The following SCNN1B variants were observed in gnomAD, a reference collection of about 807,000 sequenced individuals.
The protein encoded by SCNN1B is sodium channel epithelial 1 subunit beta, also known as epithelial sodium channel subunit beta.
Under a neutral mutation model 65.3 loss-of-function variants are expected in SCNN1B, and 46 were observed. The ratio of observed to expected loss-of-function variants is 0.70; its 90% CI spans 0.56 to 0.90. The LOEUF (loss-of-function observed/expected upper bound fraction) is 0.90. SCNN1B is among the 40% of genes least tolerant of loss of function. The probability of loss-of-function intolerance (pLI) is 0.00; values close to 1 mark genes in which losing one functional copy is unlikely to be tolerated. For synonymous variants in SCNN1B, 349 were observed against 330.6 expected, an observed-to-expected ratio of 1.06 and a Z score of -0.60; for missense variants, 751 against 830.5, an observed-to-expected ratio of 0.90 and a Z score of 1.18.
At chr16:23,369,668 G>A (rs1962743708) in intron 5 of SCNN1B, among the ~76,000 whole-genome samples, 2 of 152,032 alleles carry the variant, frequency 1.3e-5, no homozygotes, top group Non-Finnish European at 2.9e-5. Context: ...GGCCAAGAGG[G>A]CAGGTGAGCT....
intron 1 of SCNN1B, among the ~76,000 whole-genome samples, chr16:23,281,549 C>G (rs1286887308): frequency 1.3e-5 from 2 of 152,150 alleles, no homozygotes; most frequent in Non-Finnish European, 2.9e-5. Context: ...CCCTGGCTGT[C>G]CCTGGTGGGG....
At chr16:23,344,559 T>G (rs962143114) in intron 1 of SCNN1B, among the ~76,000 whole-genome samples, 7 of 152,258 alleles carry the variant, frequency 4.6e-5, no homozygotes, top group African/African-American at 9.6e-5. Context: ...GTAGTTGCTA[T>G]TATAATAACT....
chr16:23,317,856 T>A (rs1961505352), intron 1 of SCNN1B, among the ~76,000 whole-genome samples: 1 of 152,178 alleles, frequency 6.6e-6, no homozygotes, highest in African/African-American at 2.4e-5. Context: ...ACTCCAGGGA[T>A]GTCATTGTCA....
Position 23,348,140 on chromosome 16 carries a change from A to G in SCNN1B, c.-8-452A>G, listed in dbSNP as rs966472456. Among the ~76,000 whole-genome samples the G allele has an allele frequency of 6.6e-6, 1 of 152,146 alleles. No homozygotes were observed. The highest frequency in any genetic ancestry group is 2.4e-5 in the African/African-American group (1 of 41,448). On this transcript the variant is annotated intron_variant, in intron 1 of 12. Coordinates refer to ENST00000343070, the MANE Select transcript of SCNN1B (RefSeq NM_000336.3). The surrounding 1 kb of genome is among the most constrained non-coding windows in gnomAD (Gnocchi z 4.5). The stretch of plus-strand genomic sequence containing the variant: ...GAGGACATGTAAACTCCATATAGAC[A>G]GTGGCCCTGGCTGGGAATCTACTTT...
chr16:23,343,554 AG>A (rs796216487), intron 1 of SCNN1B, among the ~76,000 whole-genome samples: 1 of 146,528 alleles, frequency 6.8e-6, no homozygotes, highest in South Asian at 2.2e-4. Context: ...GAGGGAAGGA[AG>A]GAAGGAAAAA....
chr16:23,352,856 C>T lies in SCNN1B; in HGVS notation c.367C>T (p.Leu123=). The T allele has an allele frequency of 6.2e-7, 1 of 1,614,016 alleles. No individual in the cohort carries two copies. The highest frequency in any genetic ancestry group is 2.2e-5 in the East Asian group (1 of 44,892). The change falls in exon 3 of 13, where the codon CTG becomes TTG. Residue 123 remains leucine (L), a synonymous_variant. Transcript: ENST00000343070. ...KDLDELMEAV[L]ERILAPELSH... ...CCTGGATGAGCTGATGGAAGCTGTC[C>T]TGGAGAGAATCCTGGCTCCTGAGCT... is the stretch of plus-strand genomic sequence containing the variant.
At chr16:23,302,506 TCTC>T (rs1197322157) in intron 1 of SCNN1B, 69 bp downstream of exon 1, 1 of 152,334 alleles carries the variant, frequency 6.6e-6, no homozygotes, top group Admixed American at 6.5e-5. Context: ...GCGCGCGCCT[TCTC>T]CTGCCCAACC....
intron 1 of SCNN1B, among the ~76,000 whole-genome samples, chr16:23,337,452 C>A (rs967242723): frequency 2.7e-5 from 4 of 149,628 alleles, no homozygotes; most frequent in Non-Finnish European, 4.4e-5. Context: ...CGGCTCACTG[C>A]AACCTCCACC....
chr16:23,295,988 G>A (rs976776006), intron 2 of SCNN1B, among the ~76,000 whole-genome samples: 1 of 152,202 alleles, frequency 6.6e-6, no homozygotes, highest in African/African-American at 2.4e-5. Flanking sequence ...TGAGCGTCAG[G>A]CTGGCTGCAC....
chr16:23,306,985 C>T (rs751621412), intron 1 of SCNN1B, among the ~76,000 whole-genome samples: 2 of 152,162 alleles, frequency 1.3e-5, no homozygotes, highest in Non-Finnish European at 2.9e-5. Context: ...CTGGGAGTCA[C>T]GTTTTGTGAT....
chr16:23,343,509 A>AGG (rs1429039403), intron 1 of SCNN1B, among the ~76,000 whole-genome samples: 14 of 76,522 alleles, frequency 1.8e-4, no homozygotes, highest in African/African-American at 7.3e-4. Context: ...GAAGGAAGGA[A>AGG]AAGGAAGGAA....
chr16:23,359,743 T>C (rs143885830), intron 4 of SCNN1B, among the ~76,000 whole-genome samples: 1 of 152,340 alleles, frequency 6.6e-6, no homozygotes, highest in East Asian at 1.9e-4. Context: ...CAGCTCAGTA[T>C]GTGACTGGGC....
intron 1 of SCNN1B, among the ~76,000 whole-genome samples, chr16:23,319,626 G>A (rs184083946): frequency 8.6e-4 from 131 of 152,322 alleles, no homozygotes; most frequent in African/African-American, 3.0e-3. Context: ...GCATTGAGTG[G>A]CCACAACATA....
intron 2 of SCNN1B, among the ~76,000 whole-genome samples, chr16:23,289,360 G>A (rs911321123): frequency 1.3e-5 from 2 of 152,168 alleles, no homozygotes; most frequent in East Asian, 3.9e-4. Flanking sequence ...CCTCAGACCA[G>A]CCTGGGCAAT....
At chr16:23,355,602 C>A in intron 4 of SCNN1B, 113 bp downstream of exon 4, 1 of 1,030,814 alleles carries the variant, frequency 9.7e-7, no homozygotes, top group Non-Finnish European at 1.5e-6. Flanking sequence ...CACTTACCGG[C>A]TATCTGCAGC....
At chr16:23,283,486 G>T (rs1204733381) in intron 1 of SCNN1B, among the ~76,000 whole-genome samples, 1 of 152,182 alleles carries the variant, frequency 6.6e-6, no homozygotes, top group Admixed American at 6.6e-5. Flanking sequence ...TTATAAGAAG[G>T]TGTTGAATGT....
chr16:23,325,928 T>TAAATAAAA (rs1567298001), intron 1 of SCNN1B, among the ~76,000 whole-genome samples: 6 of 142,454 alleles, frequency 4.2e-5, no homozygotes, highest in Admixed American at 3.4e-4. Context: ...TAAATATAAA[T>TAAATAAAA]AAAAGCCACA....
At position 23,360,225 on chromosome 16, in the gene SCNN1B, T is replaced by C. The variant is rs150183957; in HGVS notation, c.776+4736T>C. Among the ~76,000 whole-genome samples, 62 of 150,132 alleles carry C rather than the reference T, an allele frequency of 4.1e-4. No individual in the cohort carries two copies. In the Middle Eastern group the frequency reaches 0.014, roughly 34 times the overall value. ...AAAAATAAATAAATAAATAAATAAA[T>C]AAACAAATAAATAAATAAATAAAAA... On this transcript the variant is annotated intron_variant, in intron 4 of 12. Transcript: ENST00000343070.
At chr16:23,314,519 G>T (rs145379135) in intron 1 of SCNN1B, among the ~76,000 whole-genome samples, 2 of 152,178 alleles carry the variant, frequency 1.3e-5, no homozygotes, top group East Asian at 1.9e-4. Context: ...GTGTGTCTGG[G>T]ATTCAAACCC....
Sources: allele counts gnomAD v4.1 joint callset (sites outside exome capture counted in the v4.1 genomes callset), GRCh38; gene constraint gnomAD v4.1.1; non-coding constraint Gnocchi (gnomAD v3.1); transcripts MANE v1.5; gene names NCBI Gene and HGNC (gene_info 2026-07-23, HGNC 2026-07-21).